Variants in VRK2 observed in about 807,000 individuals in gnomAD.
VRK2 encodes the protein VRK serine/threonine kinase 2, also known as serine/threonine-protein kinase VRK2.
A neutral mutation model predicts 57.6 loss-of-function variants in VRK2; 60 were observed. The ratio of observed to expected loss-of-function variants is 1.04; its 90% CI spans 0.85 to 1.29. VRK2 has a LOEUF of 1.29. Among genes scored for constraint, VRK2 ranks in the 50% most tolerant of loss-of-function variants. The pLI, the probability that VRK2 is intolerant of heterozygous loss-of-function variation, is 0.00. For synonymous variants in VRK2, 231 were observed against 199.2 expected, an observed-to-expected ratio of 1.16 and a Z score of -1.35; for missense variants, 705 against 588.1, an observed-to-expected ratio of 1.20 and a Z score of -2.06.
chr2:57,978,004 T>C (rs1001089812), intron 1 of VRK2, among the ~76,000 whole-genome samples: 1 of 151,374 alleles, frequency 6.6e-6, no homozygotes, highest in East Asian at 1.9e-4. Context: ...TTTCTGCTTA[T>C]GTGATGAATC....
intron 1 of VRK2, among the ~76,000 whole-genome samples, chr2:57,980,337 A>G (rs1672384027): frequency 6.6e-6 from 1 of 152,082 alleles, no homozygotes; most frequent in East Asian, 1.9e-4. Context: ...ATGTAATTGT[A>G]TGGTTTTTGA....
intron 1 of VRK2, among the ~76,000 whole-genome samples, chr2:57,908,769 T>C (rs1572846929): frequency 6.6e-6 from 1 of 152,276 alleles, no homozygotes; most frequent in East Asian, 1.9e-4. Context: ...TGTTACCTGT[T>C]AAATTAAAAT....
At position 57,961,181 on chromosome 2, in the gene VRK2, C is replaced by T. The variant is rs528555297; in HGVS notation, c.-439+53342C>T. 2.6e-5 allele frequency among the ~76,000 whole-genome samples: 4 copies of T among 152,294 alleles called. No individual in the cohort carries two copies. In the East Asian group the frequency reaches 7.7e-4, roughly 29 times the overall value. On this transcript the variant is annotated intron_variant, in intron 1 of 15. Transcript: ENST00000417641. ...GGTAAGAATACAAAGAGCTGGATTT[C>T]TATCATTATCATTAGCATAGCCAGG...
chr2:57,972,450 T>C (rs1354443519), intron 1 of VRK2, among the ~76,000 whole-genome samples: 3 of 151,848 alleles, frequency 2.0e-5, no homozygotes, highest in Non-Finnish European at 4.4e-5. Flanking sequence ...CCACTAACAG[T>C]AGATTACCAG....
chr2:58,021,303 C>A (rs925059821), intron 1 of VRK2, among the ~76,000 whole-genome samples: 70 of 152,182 alleles, frequency 4.6e-4, no homozygotes, highest in African/African-American at 1.4e-3. Context: ...TAACCAGGGA[C>A]CCACTGAGTG....
At chr2:58,053,131 T>C (rs1676005185) in intron 2 of VRK2, among the ~76,000 whole-genome samples, 1 of 152,218 alleles carries the variant, frequency 6.6e-6, no homozygotes, top group Non-Finnish European at 1.5e-5. Context: ...TCCATAATTA[T>C]AGATGTCACT....
chr2:58,046,770 C>A, upstream of VRK2: 1 of 985,486 alleles, frequency 1.0e-6, no homozygotes, highest in South Asian at 4.7e-5. Context: ...GTGCTGGGCC[C>A]GCCTCCCCGC....
chr2:58,086,397 AT>A lies in VRK2; in HGVS notation c.316del (p.Ser106LeufsTer3). The A allele has an allele frequency of 6.2e-7, 1 of 1,603,610 alleles. No individual in the cohort carries two copies. The highest frequency in any genetic ancestry group is 8.5e-7 in the Non-Finnish European group (1 of 1,176,856). On this transcript the variant is annotated frameshift_variant, in exon 5 of 13. Transcript: ENST00000340157. LOFTEE classifies it high-confidence loss of function. ...ATTTAGGAATTCCTCTGTTTTATGG[AT>A]CTGGTCTGACTGAATTCAAGGGAAG... is the stretch of plus-strand genomic sequence containing the variant. The part of the protein sequence containing the change: ...DYLGIPLFYG[S>X]GLTEFKGRSY...
intron 9 of VRK2, among the ~76,000 whole-genome samples, 164 bp from the exon 10 acceptor site, chr2:58,134,977 T>G (rs1679801587): frequency 6.6e-6 from 1 of 152,100 alleles, no homozygotes; most frequent in Non-Finnish European, 1.5e-5. Context: ...GGTTCTCCTC[T>G]ACTTCTGCTT....
At position 58,157,414 on chromosome 2, in the gene VRK2, A is replaced by T. The variant is rs1033001376; in HGVS notation, c.1183-1935A>T. 2.0e-5 allele frequency among the ~76,000 whole-genome samples: 3 copies of T among 152,142 alleles called. No homozygotes were observed. In the East Asian group the frequency reaches 5.8e-4, roughly 29 times the overall value. On this transcript the variant is annotated intron_variant, in intron 12 of 12. Coordinates refer to ENST00000340157, the MANE Select transcript of VRK2 (RefSeq NM_006296.7). ...ATGTAGGATGTTTCGCATCATTCCT[A>T]GTACTTATCTACTAGGTGTCAATAG...
At chr2:57,962,926 T>A (rs1435722640) in intron 1 of VRK2, among the ~76,000 whole-genome samples, 1 of 152,144 alleles carries the variant, frequency 6.6e-6, no homozygotes, top group East Asian at 1.9e-4. Context: ...AAAATCGATT[T>A]GGGAGGGGAT....
At chr2:58,150,310 T>A (rs953222116) in intron 12 of VRK2, among the ~76,000 whole-genome samples, 1 of 151,564 alleles carries the variant, frequency 6.6e-6, no homozygotes, top group Middle Eastern at 3.4e-3. Context: ...ATCATTAGAT[T>A]TTTTTTCTTG....
At chr2:58,092,281 G>A (rs549302268) in intron 7 of VRK2, among the ~76,000 whole-genome samples, 2 of 152,222 alleles carry the variant, frequency 1.3e-5, no homozygotes, top group South Asian at 2.1e-4. Flanking sequence ...TGTAAGGTAT[G>A]TACTGTTTTG....
intron 2 of VRK2, among the ~76,000 whole-genome samples, chr2:58,078,451 T>C (rs1024735868): frequency 6.6e-6 from 1 of 152,164 alleles, no homozygotes; most frequent in African/African-American, 2.4e-5. Flanking sequence ...GTAATGCTGC[T>C]ATGAGCATGG....
chr2:58,010,902 C>A (rs1056612728), intron 1 of VRK2, among the ~76,000 whole-genome samples: 5 of 152,096 alleles, frequency 3.3e-5, no homozygotes, highest in Non-Finnish European at 5.9e-5. Context: ...CAGGGCCTGG[C>A]CCTGTGTAAG....
chr2:57,917,222 G>T (rs2103897311), intron 1 of VRK2, among the ~76,000 whole-genome samples: 1 of 152,116 alleles, frequency 6.6e-6, no homozygotes, highest in South Asian at 2.1e-4. Flanking sequence ...ACAACATGTA[G>T]GAAAAGAGAA....
chr2:58,120,869 A>G (rs929110853), intron 7 of VRK2, among the ~76,000 whole-genome samples: 2 of 152,138 alleles, frequency 1.3e-5, no homozygotes, highest in Admixed American at 6.5e-5. Flanking sequence ...TTGCTGTAAC[A>G]TCCTCTGGTA....
intron 2 of VRK2, among the ~76,000 whole-genome samples, chr2:58,032,781 T>C (rs1302681001): frequency 6.6e-6 from 1 of 152,110 alleles, no homozygotes; most frequent in African/African-American, 2.4e-5. Flanking sequence ...GCAGTCTCTC[T>C]GCTAATGTGC....
At chr2:57,986,338 A>C (rs1342032133) in intron 1 of VRK2, among the ~76,000 whole-genome samples, 1 of 152,162 alleles carries the variant, frequency 6.6e-6, no homozygotes, top group Non-Finnish European at 1.5e-5. Context: ...TGATAGATCT[A>C]ATATAGATTT....
Sources: gnomAD v4.1 joint callset for allele counts (sites outside exome capture counted in the v4.1 genomes callset) on GRCh38, gnomAD v4.1.1 for gene constraint, MANE v1.5 for transcripts, NCBI Gene and HGNC (gene_info 2026-07-23, HGNC 2026-07-21) for gene names.